The following PPARGC1A variants were observed in gnomAD, a reference collection of about 807,000 sequenced individuals.
PPARGC1A encodes PPARG coactivator 1 alpha.
In PPARGC1A, 25 loss-of-function variants were observed where a neutral mutation model predicts 88.7. The observed-to-expected ratio is 0.28, with a 90% CI of 0.21 to 0.39. PPARGC1A has a LOEUF of 0.39. Among genes scored for constraint, PPARGC1A ranks in the 10% least tolerant of loss-of-function variants. PPARGC1A has a pLI of 1.00. For missense variants in PPARGC1A, 880 were observed against 968.7 expected, an observed-to-expected ratio of 0.91 and a Z score of 1.22; for synonymous variants, 363 against 355.6, an observed-to-expected ratio of 1.02 and a Z score of -0.24.
At chr4:23,803,797 T>C (rs964124855) in intron 10 of PPARGC1A, among the ~76,000 whole-genome samples, 40 of 152,216 alleles carry the variant, frequency 2.6e-4, no homozygotes, top group African/African-American at 9.2e-4. Flanking sequence ...AGACTTAGCT[T>C]GCCCAAGAGT....
the PPARGC1A span, among the ~76,000 whole-genome samples, chr4:23,968,791 C>T: frequency 6.6e-6 from 1 of 151,710 alleles, no homozygotes; most frequent in South Asian, 2.1e-4. Flanking sequence ...GGTGGGTGCC[C>T]GTAGTCTCAG....
chr4:24,239,910 G>T, the PPARGC1A span, among the ~76,000 whole-genome samples: 1 of 151,924 alleles, frequency 6.6e-6, no homozygotes, highest in African/African-American at 2.4e-5. Context: ...TACCTGTCTC[G>T]CTTATTCTCT....
At chr4:23,828,755 G>A in intron 4 of PPARGC1A, 151 bp from the exon 5 acceptor site, 1 of 677,326 alleles carries the variant, frequency 1.5e-6, no homozygotes, top group Non-Finnish European at 2.5e-6. Flanking sequence ...TGCAGAACAA[G>A]GAAAGAAAAT....
chr4:24,188,069 G>A, the PPARGC1A span, among the ~76,000 whole-genome samples: 2 of 152,172 alleles, frequency 1.3e-5, no homozygotes, highest in African/African-American at 4.8e-5. Context: ...CCTCTATATG[G>A]ACTGTGTGCA....
At chr4:24,127,676 A>T in the PPARGC1A span, among the ~76,000 whole-genome samples, 1 of 152,038 alleles carries the variant, frequency 6.6e-6, no homozygotes, top group Non-Finnish European at 1.5e-5. Context: ...AAATTTCCAC[A>T]ATCAAGGATA....
intron 1 of PPARGC1A, among the ~76,000 whole-genome samples, chr4:23,896,064 G>T (rs1718565148): frequency 6.6e-6 from 1 of 151,260 alleles, no homozygotes; most frequent in African/African-American, 2.4e-5. Flanking sequence ...TAATGGGAGA[G>T]TGTTCAAAAT....
At chr4:24,351,876 A>T in the PPARGC1A span, among the ~76,000 whole-genome samples, 1 of 152,048 alleles carries the variant, frequency 6.6e-6, no homozygotes, top group Non-Finnish European at 1.5e-5. Context: ...GTCAACAAAG[A>T]AGAGAAAGGG....
chr4:24,110,801 T>C, the PPARGC1A span, among the ~76,000 whole-genome samples: 1 of 152,210 alleles, frequency 6.6e-6, no homozygotes, highest in Non-Finnish European at 1.5e-5. Context: ...CAATGAGATA[T>C]ACGTTGTATC....
the PPARGC1A span, among the ~76,000 whole-genome samples, chr4:24,241,514 G>A: frequency 6.6e-6 from 1 of 152,216 alleles, no homozygotes; most frequent in African/African-American, 2.4e-5. Context: ...CCAGAAAAAT[G>A]TTTCAATCCC....
intron 12 of PPARGC1A, among the ~76,000 whole-genome samples, chr4:23,796,348 C>T (rs982267416): frequency 6.6e-6 from 1 of 152,110 alleles, no homozygotes; most frequent in Admixed American, 6.6e-5. Flanking sequence ...GAGAAAGAAT[C>T]ATGAGAATTT....
chr4:24,048,793 C>T, the PPARGC1A span, among the ~76,000 whole-genome samples: 1 of 152,172 alleles, frequency 6.6e-6, no homozygotes, highest in Non-Finnish European at 1.5e-5. Flanking sequence ...TGAACCCTCA[C>T]TTGCCCACAT....
chr4:23,841,973 AAGAC>A (rs1271840604), intron 2 of PPARGC1A, among the ~76,000 whole-genome samples: 1 of 152,146 alleles, frequency 6.6e-6, no homozygotes, highest in Non-Finnish European at 1.5e-5. Flanking sequence ...TGGCTAATGA[AAGAC>A]AGAGTTGGAT....
At chr4:23,859,610 T>C (rs1730847367) in intron 2 of PPARGC1A, among the ~76,000 whole-genome samples, 1 of 151,698 alleles carries the variant, frequency 6.6e-6, no homozygotes, top group Admixed American at 6.6e-5. Context: ...TGAAACCTCG[T>C]TTCTAGTAAA....
At chr4:24,368,043 G>A in the PPARGC1A span, among the ~76,000 whole-genome samples, 1 of 152,168 alleles carries the variant, frequency 6.6e-6, no homozygotes, top group Non-Finnish European at 1.5e-5. Context: ...TCAACATTAT[G>A]TAAGTAAGGT....
chr4:24,055,092 T>G, the PPARGC1A span, among the ~76,000 whole-genome samples: 4 of 152,194 alleles, frequency 2.6e-5, no homozygotes, highest in African/African-American at 9.7e-5. Context: ...AGGACAGAGC[T>G]GGAATTTAAA....
At chr4:24,212,529 T>C in the PPARGC1A span, among the ~76,000 whole-genome samples, 1 of 152,200 alleles carries the variant, frequency 6.6e-6, no homozygotes. Context: ...GAATAATGTA[T>C]TCTAAGTATT....
chr4:24,004,874 A>T, the PPARGC1A span, among the ~76,000 whole-genome samples: 1 of 152,154 alleles, frequency 6.6e-6, no homozygotes, highest in African/African-American at 2.4e-5. Context: ...AGTCTTATTG[A>T]TCATCACAGC....
chr4:24,162,265 A>G, the PPARGC1A span, among the ~76,000 whole-genome samples: 8 of 152,198 alleles, frequency 5.3e-5, no homozygotes, highest in African/African-American at 9.7e-5. Context: ...TGGATTCAGT[A>G]TATACTGCTC....
intron 2 of PPARGC1A, among the ~76,000 whole-genome samples, chr4:23,847,182 A>T (rs1728472432): frequency 6.6e-6 from 1 of 152,174 alleles, no homozygotes; most frequent in African/African-American, 2.4e-5. Context: ...AATAATAAAA[A>T]CTTTGAGGAA....
Sources: gnomAD v4.1 joint callset for allele counts (sites outside exome capture counted in the v4.1 genomes callset) on GRCh38, gnomAD v4.1.1 for gene constraint, MANE v1.5 for transcripts, NCBI Gene and HGNC (gene_info 2026-07-23, HGNC 2026-07-21) for gene names.